The following TSHZ2 variants were observed in gnomAD, a reference collection of about 807,000 sequenced individuals.
TSHZ2 encodes the protein teashirt homolog 2.
In TSHZ2, 21 loss-of-function variants were observed where a neutral mutation model predicts 74.4. The ratio of observed to expected loss-of-function variants is 0.28; its 90% CI spans 0.20 to 0.41. The LOEUF (loss-of-function observed/expected upper bound fraction) is 0.41, where lower values mean the gene tolerates loss of function less well. Among genes scored for constraint, TSHZ2 ranks in the 10% least tolerant of loss-of-function variants. The pLI is 1.00. For synonymous variants in TSHZ2, 540 were observed against 515.3 expected (o/e 1.05, Z -0.65); for missense variants, 1,244 against 1,293.5 (o/e 0.96, Z 0.59).
chr20:52,986,151 GGA>G (rs1981746135), intron 1 of TSHZ2, among the ~76,000 whole-genome samples: 1 of 152,002 alleles, frequency 6.6e-6, no homozygotes, highest in Non-Finnish European at 1.5e-5. Context: ...CAGCACTTTG[GGA>G]GTCCTAGGCA....
intron 2 of TSHZ2, among the ~76,000 whole-genome samples, chr20:53,433,738 C>T (rs117149000): frequency 3.3e-5 from 5 of 152,192 alleles, no homozygotes; most frequent in African/African-American, 7.2e-5. Context: ...TTTACCTTTT[C>T]TCCCCAGTCT....
chr20:53,127,955 A>T (rs1986993416), intron 1 of TSHZ2, among the ~76,000 whole-genome samples: 2 of 152,070 alleles, frequency 1.3e-5, no homozygotes, highest in Non-Finnish European at 2.9e-5. Context: ...GGGGAGAAAA[A>T]TTTGCTCTAA....
intron 1 of TSHZ2, among the ~76,000 whole-genome samples, chr20:53,173,979 T>C: frequency 6.6e-6 from 1 of 152,054 alleles, no homozygotes; most frequent in East Asian, 1.9e-4. Flanking sequence ...CACAAACACA[T>C]ACAGACAGAC....
chr20:53,190,201 CTCTT>C (rs562654083), intron 1 of TSHZ2, among the ~76,000 whole-genome samples: 75 of 142,816 alleles, frequency 5.3e-4, no homozygotes, highest in Middle Eastern at 3.3e-3. Context: ...GTTTAGGTCT[CTCTT>C]TCTCTTTCTT....
At chr20:53,090,071 CAA>C (rs1403832739) in intron 1 of TSHZ2, among the ~76,000 whole-genome samples, 3 of 152,226 alleles carry the variant, frequency 2.0e-5, no homozygotes, top group Admixed American at 6.5e-5. Flanking sequence ...CCCTGGCAAA[CAA>C]GTGTTGTAAG....
intron 2 of TSHZ2, among the ~76,000 whole-genome samples, chr20:53,294,760 T>C (rs562409211): frequency 7.9e-5 from 12 of 152,198 alleles, no homozygotes; most frequent in African/African-American, 2.7e-4. Context: ...TCTGATCTTT[T>C]ACTCCTCAAT....
rs188894152 is a variant in TSHZ2, at chr20:53,388,628, C to T, written c.*9-98516C>T. On this transcript the variant is annotated intron_variant, in intron 2 of 2. Transcript: ENST00000371497. ...TTTTTTCTTGAGATGGAGTCTTGCTCTGTTGCCCAGGCGACCTTGGCTCAC... is the reference window on the plus strand; with the variant it reads ...TTTTTTCTTGAGATGGAGTCTTGCTTTGTTGCCCAGGCGACCTTGGCTCAC... Among the ~76,000 whole-genome samples the T allele has an allele frequency of 4.3e-3, 602 of 140,798 alleles. 20 individuals carry two copies. The Admixed American group carries it at 0.043, about 10-fold the overall frequency. The allele number at this position is 140,798 out of a possible 152,430, so 92.4% of individuals were successfully genotyped here.
intron 1 of TSHZ2, among the ~76,000 whole-genome samples, chr20:53,147,939 T>A (rs150860655): frequency 0.011 from 1,724 of 152,212 alleles, 30 homozygotes; most frequent in African/African-American, 0.038. Flanking sequence ...CTGGTTTGAA[T>A]TCCTGACCTT....
rs1981818239 is a variant in TSHZ2, at chr20:52,987,512, C to CCT, written c.40+14188_40+14189dup. On this transcript the variant is annotated intron_variant, in intron 1 of 2. Transcript: ENST00000371497. ...CTCTCTCTTTCCCTCTCTCTTTCTC[C>CCT]CTCTCTCTCTTCTCTCTCTCCTCTC... Among the ~76,000 whole-genome samples, 3 of 149,294 alleles carry CCT rather than the reference C, an allele frequency of 2.0e-5. No homozygotes were observed. In the South Asian group the frequency reaches 6.4e-4, roughly 32 times the overall value.
At chr20:53,384,472 C>G (rs1317025585) in intron 2 of TSHZ2, among the ~76,000 whole-genome samples, 1 of 152,172 alleles carries the variant, frequency 6.6e-6, no homozygotes, top group Non-Finnish European at 1.5e-5. Context: ...TCTGTATCTT[C>G]TTTGTTTATG....
chr20:53,186,208 G>A (rs941792685), intron 1 of TSHZ2, among the ~76,000 whole-genome samples: 2 of 152,152 alleles, frequency 1.3e-5, no homozygotes, highest in Non-Finnish European at 2.9e-5. Context: ...CTCCTTCAGT[G>A]GCTCCTTGCA....
chr20:53,161,154 TAGG>T (rs1238873403), intron 1 of TSHZ2, among the ~76,000 whole-genome samples: 2 of 60,882 alleles, frequency 3.3e-5, no homozygotes, highest in African/African-American at 1.3e-4. Context: ...AAAAAAAAAA[TAGG>T]AGGTAATGCA....
At chr20:53,196,505 T>G (rs1988874179) in intron 1 of TSHZ2, 7 of 152,080 alleles carry the variant, frequency 4.6e-5, no homozygotes, top group Admixed American at 3.9e-4. Flanking sequence ...ACCTCTTACT[T>G]GAAGGAACCC....
chr20:53,368,161 G>A (rs1023598059), intron 2 of TSHZ2, among the ~76,000 whole-genome samples: 1 of 151,814 alleles, frequency 6.6e-6, no homozygotes, highest in African/African-American at 2.4e-5. Flanking sequence ...TCGGGGGCTT[G>A]TGTTTTTTTA....
chr20:53,098,038 C>G (rs1986105515), intron 1 of TSHZ2: 1 of 152,196 alleles, frequency 6.6e-6, no homozygotes, highest in African/African-American at 2.4e-5. Flanking sequence ...TTGCCTGACA[C>G]TGAGGTTTCT....
rs2123087955 is a variant in TSHZ2 at position 53,038,451 on chromosome 20, G to A, written c.40+65118G>A. Among the ~76,000 whole-genome samples, 2 of 152,208 alleles carry A rather than the reference G, an allele frequency of 1.3e-5. 1 individual carries two copies. Among genetic ancestry groups the A allele is most frequent in the South Asian group, 4.2e-4 (2 of 4,818 alleles). ...TCCTACCAAGCACTGTGCTAGGCAT[G>A]ATGAATGCCTTTCCTGCTGAATCCT... On this transcript the variant is annotated intron_variant, in intron 1 of 2. Transcript: ENST00000371497.
At chr20:53,257,515 A>G (rs185941204) in intron 2 of TSHZ2, among the ~76,000 whole-genome samples, 1 of 152,350 alleles carries the variant, frequency 6.6e-6, no homozygotes, top group African/African-American at 2.4e-5. Context: ...GCAGAGACCA[A>G]GGTCAAATGC....
intron 1 of TSHZ2, among the ~76,000 whole-genome samples, chr20:53,153,430 T>C (rs542070233): frequency 1.3e-5 from 2 of 152,294 alleles, no homozygotes; most frequent in African/African-American, 4.8e-5. Context: ...AAATTGTATA[T>C]TGGGATGTTA....
intron 2 of TSHZ2, among the ~76,000 whole-genome samples, chr20:53,482,786 G>A (rs1406992330): frequency 1.3e-5 from 2 of 151,786 alleles, no homozygotes; most frequent in Non-Finnish European, 2.9e-5. Flanking sequence ...CACACCTGTG[G>A]TCCCAGTTTT....
Sources: gnomAD v4.1 joint callset for allele counts (sites outside exome capture counted in the v4.1 genomes callset) on GRCh38, gnomAD v4.1.1 for gene constraint, MANE v1.5 for transcripts, NCBI Gene and HGNC (gene_info 2026-07-23, HGNC 2026-07-21) for gene names.